DDX50: variants seen among roughly 807,000 people sequenced by gnomAD.
DDX50 encodes the protein ATP-dependent RNA helicase DDX50.
DDX50 carries 56 observed loss-of-function variants against 94.8 expected under a neutral mutation model. The ratio of observed to expected loss-of-function variants is 0.59; its 90% CI spans 0.48 to 0.74. The LOEUF (loss-of-function observed/expected upper bound fraction) is 0.74. Among genes scored for constraint, DDX50 ranks in the 30% least tolerant of loss-of-function variants. The pLI is 0.00. For synonymous variants in DDX50, 264 were observed against 295.4 expected, an observed-to-expected ratio of 0.89 and a Z score of 1.09; for missense variants, 713 against 881.2, an observed-to-expected ratio of 0.81 and a Z score of 2.42.
chr10:68,920,911 A>G (rs1398005961), intron 8 of DDX50, among the ~76,000 whole-genome samples: 2 of 145,430 alleles, frequency 1.4e-5, no homozygotes, highest in Non-Finnish European at 1.5e-5. Flanking sequence ...TTGTGCCACT[A>G]CACTCCAGCC....
At chr10:68,915,667 G>T (rs1015769985) in intron 7 of DDX50, among the ~76,000 whole-genome samples, 19 of 149,480 alleles carry the variant, frequency 1.3e-4, no homozygotes, top group African/African-American at 4.7e-4. Flanking sequence ...AGTGAGCCAA[G>T]ATCGTGCCAC....
At position 68,946,544 on chromosome 10, in the gene DDX50, C is replaced by T. The variant is rs563448862; in HGVS notation, c.2128C>T (p.Arg710Cys). Reference sequence around the variant, plus strand: ...AGGTAGACAGAGTCGACAAGGAAGTCGCTCAGGAAGTCGACAAGATGGTAG... The same window carrying T: ...AGGTAGACAGAGTCGACAAGGAAGTTGCTCAGGAAGTCGACAAGATGGTAG... ...RSGRQSRQGS[R>C]SGSRQDGRRR... The change falls in exon 15 of 15, where the codon CGC becomes TGC. Residue 710 changes from arginine (R) to cysteine (C), a missense_variant. By Grantham distance (180) the Arg-to-Cys change is radical (BLOSUM62 -3). Around this residue, in one of 2 missense-constraint regions of DDX50, gnomAD observed 428 missense variants for 602.3 expected, o/e 0.71. Transcript: ENST00000373585. The T allele has an allele frequency of 1.1e-4, 179 of 1,614,130 alleles. 1 individual carries two copies. The South Asian group carries it at 1.7e-3, about 16-fold the overall frequency.
intron 11 of DDX50, 114 bp from the exon 12 acceptor site, chr10:68,936,822 C>T: frequency 9.4e-7 from 1 of 1,065,570 alleles, no homozygotes; most frequent in Non-Finnish European, 1.3e-6. Context: ...GACTGGGTGA[C>T]AGAGCAAGGC....
chr10:68,910,163 G>A, intron 2 of DDX50, 144 bp from the exon 3 acceptor site: 2 of 679,896 alleles, frequency 2.9e-6, no homozygotes, highest in East Asian at 3.0e-5. Flanking sequence ...CTCCAACCTG[G>A]GCAACAGAGT....
At position 68,901,318 on chromosome 10, in the gene DDX50, T is replaced by G. The variant is rs1407710263; in HGVS notation, c.-67T>G. Reference sequence around the variant, plus strand: ...GGCGGCCGCCTTGCCCCCGCTTCCTTTCACGCTGTCGCTGCCCGTAGGTGG... The same window carrying G: ...GGCGGCCGCCTTGCCCCCGCTTCCTGTCACGCTGTCGCTGCCCGTAGGTGG... On this transcript the variant is annotated 5_prime_UTR_variant, in exon 1 of 15. Transcript: ENST00000373585. The G allele has an allele frequency of 2.8e-6, 4 of 1,440,178 alleles. No homozygotes were observed. The highest frequency in any genetic ancestry group is 1.5e-5 in the African/African-American group (1 of 68,754). 89.2% of individuals were successfully genotyped at this position (1,440,178 alleles called of 1,614,324 possible).
intron 8 of DDX50, among the ~76,000 whole-genome samples, chr10:68,923,111 T>TAAAAA (rs71474455): frequency 8.7e-6 from 1 of 114,448 alleles, no homozygotes; most frequent in African/African-American, 3.4e-5. Flanking sequence ...CCCTTTCTCT[T>TAAAAA]AAAAAAAAAA....
chr10:68,920,096 A>C (rs1841901555), intron 8 of DDX50, 115 bp downstream of exon 8: 2 of 1,308,710 alleles, frequency 1.5e-6, no homozygotes, highest in Non-Finnish European at 2.1e-6. Context: ...ACTGAGTTGT[A>C]AGGCTGGGCA....
At chr10:68,944,898 G>A (rs1442453943) in intron 14 of DDX50, among the ~76,000 whole-genome samples, 1 of 151,990 alleles carries the variant, frequency 6.6e-6, no homozygotes, top group Non-Finnish European at 1.5e-5. Flanking sequence ...GCCCAGGCTG[G>A]TCTCAAACTC....
intron 8 of DDX50, among the ~76,000 whole-genome samples, chr10:68,930,114 CTTTTT>C (rs34023657): frequency 4.0e-5 from 4 of 99,772 alleles, no homozygotes; most frequent in Admixed American, 1.1e-4. Flanking sequence ...CTTTCCTTTC[CTTTTT>C]TTTTTTTTTT....
intron 1 of DDX50, among the ~76,000 whole-genome samples, chr10:68,901,788 A>G (rs1589244773): frequency 6.6e-6 from 1 of 152,198 alleles, no homozygotes; most frequent in African/African-American, 2.4e-5. Flanking sequence ...TGAAGCAGTG[A>G]CGCTTGCCAT....
In DDX50 at chr10:68,934,460, T is replaced by C; in HGVS notation, c.1401+100T>C. ...TGGGATGTGAAAAATATGTCATCTCTTCTTGCTCTTAGCCATTTTTTGTTA... is the reference window on the plus strand; with the variant it reads ...TGGGATGTGAAAAATATGTCATCTCCTCTTGCTCTTAGCCATTTTTTGTTA... On this transcript the variant is annotated intron_variant, in intron 9 of 14. Coordinates refer to ENST00000373585, the MANE Select transcript of DDX50 (RefSeq NM_024045.2). The surrounding 1 kb of genome is among the most constrained non-coding windows in gnomAD (Gnocchi z 4.0). 1.3e-6 allele frequency: 2 copies of C among 1,509,724 alleles called. No homozygotes were observed. Among genetic ancestry groups the C allele is most frequent in the Non-Finnish European group, 1.8e-6 (2 of 1,116,694 alleles). 93.5% of individuals were successfully genotyped at this position (1,509,724 alleles called of 1,614,324 possible).
Position 68,941,085 on chromosome 10 carries a change from G to A in DDX50, c.1781G>A (p.Ser594Asn). ...GGGTTTGTGACCATGACTCTGGAAA[G>A]CCTAGAGGAAATACAGGATGTCAGC... ...DKGFVTMTLE[S>N]LEEIQDVSCA... The change falls in exon 13 of 15, where the codon AGC (serine) becomes AAC (asparagine). Residue 594 changes from serine to asparagine, a missense_variant. Transcript: ENST00000373585. 1 of 1,611,626 alleles carries A rather than the reference G, an allele frequency of 6.2e-7. No homozygotes were observed. Among genetic ancestry groups the A allele is most frequent in the Non-Finnish European group, 8.5e-7 (1 of 1,179,774 alleles).
chr10:68,916,408 G>A (rs1172963520), intron 7 of DDX50, among the ~76,000 whole-genome samples: 2 of 151,004 alleles, frequency 1.3e-5, no homozygotes, highest in Non-Finnish European at 2.9e-5. Context: ...TGTAATGGTT[G>A]AAAGTTTTGC....
chr10:68,921,778 T>C (rs1309105181), intron 8 of DDX50, among the ~76,000 whole-genome samples: 1 of 152,240 alleles, frequency 6.6e-6, no homozygotes, highest in Non-Finnish European at 1.5e-5. Flanking sequence ...GTTCACATTT[T>C]CTTTCCTTCA....
intron 11 of DDX50, 48 bp downstream of exon 11, chr10:68,936,127 A>G (rs1589269631): frequency 6.8e-7 from 1 of 1,465,126 alleles, no homozygotes; most frequent in South Asian, 1.2e-5. Context: ...GTATTAGGCT[A>G]TTCATCTGTA....
chr10:68,912,064 T>G (rs1427592804), intron 4 of DDX50, among the ~76,000 whole-genome samples: 1 of 152,212 alleles, frequency 6.6e-6, no homozygotes, highest in Non-Finnish European at 1.5e-5. Flanking sequence ...ATCATAATAG[T>G]CTTGGATCAG....
At chr10:68,937,225 T>G in intron 12 of DDX50, 130 bp downstream of exon 12, 2 of 962,420 alleles carry the variant, frequency 2.1e-6, no homozygotes, top group Non-Finnish European at 2.8e-6. Flanking sequence ...CTGGTCTCCT[T>G]ATTTTCCTCT....
At chr10:68,903,249 T>C (rs1841340863) in intron 1 of DDX50, among the ~76,000 whole-genome samples, 1 of 152,038 alleles carries the variant, frequency 6.6e-6, no homozygotes, top group Admixed American at 6.5e-5. Context: ...ATAAAAAAAT[T>C]AGCCGGGTGC....
intron 8 of DDX50, among the ~76,000 whole-genome samples, chr10:68,922,192 C>T (rs574400124): frequency 1.3e-5 from 2 of 151,152 alleles, no homozygotes; most frequent in South Asian, 2.1e-4. Flanking sequence ...AAATTTCTCT[C>T]TTTTTTTTTA....
Sources: allele counts gnomAD v4.1 joint callset (sites outside exome capture counted in the v4.1 genomes callset), GRCh38; gene constraint gnomAD v4.1.1; regional missense constraint gnomAD v4.1.1; non-coding constraint Gnocchi (gnomAD v3.1); transcripts MANE v1.5; gene names NCBI Gene and HGNC (gene_info 2026-07-23, HGNC 2026-07-21).